TFDP1: variants seen among roughly 807,000 people sequenced by gnomAD.
TFDP1 encodes DRTF1-polypeptide 1.
A neutral mutation model predicts 48.0 loss-of-function variants in TFDP1; 6 were observed. That is an observed-to-expected ratio of 0.13 (90% CI 0.07 to 0.25). The LOEUF (loss-of-function observed/expected upper bound fraction) is 0.25, where lower values mean the gene tolerates loss of function less well. TFDP1 is among the 10% of genes least tolerant of loss of function. The probability of loss-of-function intolerance (pLI) is 1.00; values close to 1 mark genes in which losing one functional copy is unlikely to be tolerated. For missense variants in TFDP1, 335 were observed against 543.0 expected (o/e 0.62, Z 3.81); for synonymous variants, 201 against 211.6 (o/e 0.95, Z 0.44).
At chr13:113,608,812 C>G (rs1012517729) in intron 2 of TFDP1, among the ~76,000 whole-genome samples, 1 of 152,206 alleles carries the variant, frequency 6.6e-6, no homozygotes, top group Non-Finnish European at 1.5e-5. Context: ...TTCTAGCCCA[C>G]CATAGCCACT....
chr13:113,637,391 G>A, intron 10 of TFDP1: 1 of 361,824 alleles, frequency 2.8e-6, no homozygotes, highest in Non-Finnish European at 5.3e-6. Flanking sequence ...GGTCCATGTT[G>A]TCAGGTGACA....
At chr13:113,605,060 T>C (rs1243391969) in intron 2 of TFDP1, among the ~76,000 whole-genome samples, 1 of 152,036 alleles carries the variant, frequency 6.6e-6, no homozygotes, top group African/African-American at 2.4e-5. Context: ...TGACGGCAAA[T>C]GGGAATTAAA....
intron 2 of TFDP1, among the ~76,000 whole-genome samples, chr13:113,605,150 G>A (rs1250059719): frequency 3.9e-5 from 6 of 152,002 alleles, no homozygotes; most frequent in Admixed American, 6.6e-5. Flanking sequence ...GTTGGGGCGG[G>A]GGGGCGTCAT....
Position 113,611,077 on chromosome 13 carries a change from T to G in TFDP1, c.79+15T>G. 2 of 1,610,750 alleles carry G rather than the reference T, an allele frequency of 1.2e-6. No individual in the cohort carries two copies. Among genetic ancestry groups the G allele is most frequent in the South Asian group, 2.2e-5 (2 of 91,010 alleles). ...TCCCGGGAAAGGTAAGGGCACCTGT[T>G]CTGGACACACTCTTGTGTTGATGAA... On this transcript the variant is annotated intron_variant, in intron 3 of 11. Transcript: ENST00000375370.
chr13:113,593,460 C>T (rs557691649), intron 2 of TFDP1, among the ~76,000 whole-genome samples: 12 of 136,372 alleles, frequency 8.8e-5, no homozygotes, highest in Admixed American at 1.5e-4. Context: ...GTCCAGGTGA[C>T]AGGTGTGGTG....
At chr13:113,625,719 T>C (rs1218977512) in intron 4 of TFDP1, among the ~76,000 whole-genome samples, 4 of 60,630 alleles carry the variant, frequency 6.6e-5, no homozygotes, top group Non-Finnish European at 8.8e-5. Context: ...CTCTCACATG[T>C]CTTCAGGCGT....
intron 2 of TFDP1, 155 bp downstream of exon 2, chr13:113,586,004 G>A: frequency 1.2e-6 from 1 of 822,278 alleles, no homozygotes; most frequent in South Asian, 2.1e-5. Flanking sequence ...GGTGAAAGAT[G>A]GAAGGATCTG....
chr13:113,587,337 G>A (rs567906818), intron 2 of TFDP1, among the ~76,000 whole-genome samples: 56 of 152,104 alleles, frequency 3.7e-4, no homozygotes, highest in Non-Finnish European at 6.3e-4. Context: ...TGTGATCTGA[G>A]TTGGGGGTTG....
At chr13:113,585,273 G>C (rs1404130750) in intron 1 of TFDP1, 4 of 150,448 alleles carry the variant, frequency 2.7e-5, no homozygotes, top group African/African-American at 9.7e-5. Flanking sequence ...GAGGCGCCTC[G>C]TGCGGAGGCG....
chr13:113,585,748 CTTACTTTT>C lies in TFDP1; in HGVS notation c.-64-23_-64-16del. 8.3e-7 allele frequency: 1 copy of C among 1,210,176 alleles called. No homozygotes were observed. Among genetic ancestry groups the C allele is most frequent in the African/African-American group, 1.7e-5 (1 of 57,746 alleles). 75.0% of individuals were successfully genotyped at this position (1,210,176 alleles called of 1,614,324 possible). ...CATTCTTACTTATTTCTTGTTTTTC[CTTACTTTT>C]TTTTTTTTTTTTACCAGAAAAATCA... On this transcript the variant is annotated intron_variant, in intron 1 of 11. Transcript: ENST00000375370.
chr13:113,610,908 A>T, intron 2 of TFDP1, 88 bp from the exon 3 acceptor site: 3 of 1,238,282 alleles, frequency 2.4e-6, no homozygotes, highest in Non-Finnish European at 3.5e-6. Context: ...ACGTTATTTG[A>T]TAGAACCCTT....
At chr13:113,619,433 T>C (rs2140456570) in intron 3 of TFDP1, among the ~76,000 whole-genome samples, 1 of 144,824 alleles carries the variant, frequency 6.9e-6, no homozygotes, top group East Asian at 2.1e-4. Context: ...ATCATGTCAC[T>C]GCCCTCCAGC....
chr13:113,584,774 C>G lies in TFDP1; in HGVS notation c.-179C>G, dbSNP rs981505640. The G allele has an allele frequency of 1.4e-5, 2 of 146,428 alleles. No homozygotes were observed. Among genetic ancestry groups the G allele is most frequent in the African/African-American group, 4.9e-5 (2 of 40,850 alleles). The allele number at this position is 146,428 out of a possible 1,614,324, so 9.1% of individuals were successfully genotyped here. The stretch of plus-strand genomic sequence containing the variant: ...CGCCACTCGGCCCAGGGCAGGGACC[C>G]CGCCACGGCCGGGACCGCCCGGCCC... On this transcript the variant is annotated 5_prime_UTR_variant, in exon 1 of 12. Transcript: ENST00000375370.
intron 2 of TFDP1, among the ~76,000 whole-genome samples, chr13:113,589,429 G>A (rs1594395160): frequency 6.6e-6 from 1 of 152,288 alleles, no homozygotes; most frequent in East Asian, 1.9e-4. Flanking sequence ...TTTCCTTGCT[G>A]TGGGGACTGT....
chr13:113,640,316 A>G lies in TFDP1; in HGVS notation c.*49A>G, dbSNP rs780513765. 4.5e-6 allele frequency: 7 copies of G among 1,560,440 alleles called. No individual in the cohort carries two copies. The East Asian group carries it at 7.2e-5, about 16-fold the overall frequency. ...CTTCAGGAAAACGTTTAGCGAAAAG[A>G]AACTTTTTTTTTAATGTGGGTTTTC... On this transcript the variant is annotated 3_prime_UTR_variant, in exon 12 of 12. Transcript: ENST00000375370.
chr13:113,587,186 G>A (rs1483551909), intron 2 of TFDP1, among the ~76,000 whole-genome samples: 1 of 152,150 alleles, frequency 6.6e-6, no homozygotes, highest in Non-Finnish European at 1.5e-5. Context: ...GTAGTGTGAG[G>A]CTGGGGGTGG....
intron 2 of TFDP1, among the ~76,000 whole-genome samples, chr13:113,587,874 T>C (rs1186974191): frequency 6.6e-6 from 1 of 152,192 alleles, no homozygotes; most frequent in Admixed American, 6.5e-5. Context: ...TTTTTGTTTT[T>C]TGAGACGGAG....
chr13:113,601,054 C>G (rs79277679), intron 2 of TFDP1, among the ~76,000 whole-genome samples: 1 of 152,192 alleles, frequency 6.6e-6, no homozygotes, highest in Non-Finnish European at 1.5e-5. Flanking sequence ...TCACGCTGTC[C>G]TGGATCTTCT....
At chr13:113,634,702 A>G in intron 8 of TFDP1, 100 bp downstream of exon 8, 1 of 835,562 alleles carries the variant, frequency 1.2e-6, no homozygotes, top group Non-Finnish European at 1.9e-6. Flanking sequence ...CTGCATGGCA[A>G]ATCAAATGAC....
Sources: allele counts gnomAD v4.1 joint callset (sites outside exome capture counted in the v4.1 genomes callset), GRCh38; gene constraint gnomAD v4.1.1; transcripts MANE v1.5; gene names NCBI Gene and HGNC (gene_info 2026-07-23, HGNC 2026-07-21).